MARCHF5: variants seen among roughly 807,000 people sequenced by gnomAD.
The protein encoded by MARCHF5 is membrane associated ring-CH-type finger 5.
In MARCHF5, 5 loss-of-function variants were observed where a neutral mutation model predicts 36.5. The ratio of observed to expected loss-of-function variants is 0.14; its 90% CI spans 0.07 to 0.29. The LOEUF (loss-of-function observed/expected upper bound fraction) is 0.29. MARCHF5 is among the 10% of genes least tolerant of loss of function. MARCHF5 has a pLI of 1.00. For synonymous variants in MARCHF5, 103 were observed against 109.9 expected (o/e 0.94, Z 0.39); for missense variants, 179 against 336.3 (o/e 0.53, Z 3.66).
rs1220168156 is a variant in MARCHF5 at position 92,353,250 on chromosome 10, C to G, written c.*2043C>G. On this transcript the variant is annotated 3_prime_UTR_variant, in exon 6 of 6. Transcript: ENST00000358935. ...TTATTATTATTAGCTCGAGAAATAC[C>G]ACATGCCAGTCTTCCCAGGAAGGTG... The G allele has an allele frequency of 6.6e-6, 1 of 152,072 alleles. No individual in the cohort carries two copies. Among genetic ancestry groups the G allele is most frequent in the Non-Finnish European group, 1.5e-5 (1 of 68,026 alleles). 9.4% of individuals were successfully genotyped at this position (152,072 alleles called of 1,614,324 possible).
chr10:92,306,394 A>G (rs1326146200), intron 1 of MARCHF5, among the ~76,000 whole-genome samples: 1 of 152,190 alleles, frequency 6.6e-6, no homozygotes, highest in Non-Finnish European at 1.5e-5. Context: ...TATGGTATTC[A>G]CTGCCTAAAC....
intron 1 of MARCHF5, among the ~76,000 whole-genome samples, chr10:92,310,751 G>A (rs1202211212): frequency 6.6e-6 from 1 of 152,068 alleles, no homozygotes; most frequent in African/African-American, 2.4e-5. Flanking sequence ...TGGTGAACTG[G>A]GGAGAACACT....
At chr10:92,298,638 T>C (rs1842975395) in intron 1 of MARCHF5, among the ~76,000 whole-genome samples, 1 of 152,150 alleles carries the variant, frequency 6.6e-6, no homozygotes, top group African/African-American at 2.4e-5. Context: ...GTGGCCCATC[T>C]CGGCTTACTG....
chr10:92,327,347 C>T, intron 2 of MARCHF5, among the ~76,000 whole-genome samples: 1 of 145,396 alleles, frequency 6.9e-6, no homozygotes, highest in African/African-American at 2.6e-5. Flanking sequence ...GGATAAAGAG[C>T]TTTTTAAAAA....
At position 92,314,187 on chromosome 10, in the gene MARCHF5, G is replaced by A. The variant is rs1296768077; in HGVS notation, c.238+2850G>A. Among the ~76,000 whole-genome samples the A allele has an allele frequency of 5.5e-5, 8 of 144,244 alleles. No homozygotes were observed. In the East Asian group the frequency reaches 1.6e-3, roughly 29 times the overall value. The allele number at this position is 144,244 out of a possible 152,430, so 94.6% of individuals were successfully genotyped here. On this transcript the variant is annotated intron_variant, in intron 2 of 5. Transcript: ENST00000358935. ...TGATTGCGCCACTACCCTCTAGCCTGGGTGACAGAGTGAAACCAATCTTAA... is the reference window on the plus strand; with the variant it reads ...TGATTGCGCCACTACCCTCTAGCCTAGGTGACAGAGTGAAACCAATCTTAA...
chr10:92,343,213 C>A (rs140981332), intron 3 of MARCHF5, among the ~76,000 whole-genome samples: 2,191 of 152,228 alleles, frequency 0.014, 55 homozygotes, highest in African/African-American at 0.049. Context: ...CGTCACCTTC[C>A]CAACCTAATA....
At chr10:92,348,197 A>AG (rs1843679016) in intron 3 of MARCHF5, among the ~76,000 whole-genome samples, 1 of 149,838 alleles carries the variant, frequency 6.7e-6, no homozygotes, top group Admixed American at 6.7e-5. Flanking sequence ...AAAAAAAAAA[A>AG]AAAATTTTTG....
intron 2 of MARCHF5, among the ~76,000 whole-genome samples, chr10:92,336,336 C>T (rs1190543201): frequency 1.3e-5 from 2 of 152,170 alleles, no homozygotes; most frequent in African/African-American, 4.8e-5. Flanking sequence ...CATGCCCGGC[C>T]TGGAGCTTAT....
chr10:92,319,382 G>A (rs1416129606), intron 2 of MARCHF5, among the ~76,000 whole-genome samples: 3 of 148,674 alleles, frequency 2.0e-5, no homozygotes, highest in Non-Finnish European at 4.4e-5. Flanking sequence ...TGCAAGCTCC[G>A]CCTCCCGGGT....
intron 2 of MARCHF5, among the ~76,000 whole-genome samples, chr10:92,321,368 CAT>C (rs1203638781): frequency 6.6e-6 from 1 of 152,088 alleles, no homozygotes; most frequent in Non-Finnish European, 1.5e-5. Context: ...TATTGATAAT[CAT>C]GTGAGTATTG....
intron 1 of MARCHF5, among the ~76,000 whole-genome samples, chr10:92,306,987 CT>C (rs1040140459): frequency 2.0e-4 from 30 of 152,168 alleles, no homozygotes; most frequent in South Asian, 6.2e-4. Context: ...GCACTCCAGC[CT>C]AGGTGGCAGA....
intron 1 of MARCHF5, among the ~76,000 whole-genome samples, chr10:92,297,184 T>A (rs1177370292): frequency 1.3e-5 from 2 of 149,872 alleles, no homozygotes; most frequent in African/African-American, 2.5e-5. Context: ...TTTTTTTTTT[T>A]GAGTCAGGGT....
At chr10:92,347,372 C>T (rs1843657093) in intron 3 of MARCHF5, among the ~76,000 whole-genome samples, 1 of 152,050 alleles carries the variant, frequency 6.6e-6, no homozygotes, top group Non-Finnish European at 1.5e-5. Context: ...GTAATCCCAT[C>T]TACTCAGGAG....
chr10:92,307,625 C>G (rs990895673), intron 1 of MARCHF5, among the ~76,000 whole-genome samples: 2 of 151,960 alleles, frequency 1.3e-5, no homozygotes, highest in African/African-American at 4.8e-5. Context: ...CCTGTAATCC[C>G]AGCATTTGGG....
At chr10:92,314,824 A>C (rs1288244971) in intron 2 of MARCHF5, among the ~76,000 whole-genome samples, 1 of 141,932 alleles carries the variant, frequency 7.0e-6, no homozygotes, top group Non-Finnish European at 1.5e-5. Flanking sequence ...CAAGCAATCC[A>C]CCTACCTTGG....
chr10:92,305,421 A>G (rs1044841565), intron 1 of MARCHF5, among the ~76,000 whole-genome samples: 1 of 152,204 alleles, frequency 6.6e-6, no homozygotes, highest in Non-Finnish European at 1.5e-5. Flanking sequence ...AAAAAAAAGA[A>G]TATTTACAAA....
At position 92,338,200 on chromosome 10, in the gene MARCHF5, C is replaced by T. The variant is rs1026822752; in HGVS notation, c.239-2473C>T. Among the ~76,000 whole-genome samples the T allele has an allele frequency of 4.0e-5, 6 of 151,654 alleles. No homozygotes were observed. The South Asian group carries it at 1.3e-3, about 32-fold the overall frequency. On this transcript the variant is annotated intron_variant, in intron 2 of 5. Transcript: ENST00000358935. ...CAAGACCCTGTCTCAAAAAAAAAAT[C>T]GAATTATCAACCATACGAAGGTTGA...
At chr10:92,339,861 AGAGT>A (rs769479010) in intron 2 of MARCHF5, among the ~76,000 whole-genome samples, 2 of 152,206 alleles carry the variant, frequency 1.3e-5, no homozygotes, top group Non-Finnish European at 2.9e-5. Context: ...GTCAGATTTC[AGAGT>A]AAGCATATAA....
At chr10:92,297,342 A>AT (rs931055671) in intron 1 of MARCHF5, among the ~76,000 whole-genome samples, 3 of 150,360 alleles carry the variant, frequency 2.0e-5, no homozygotes, top group Admixed American at 6.7e-5. Context: ...GATTTTTTGT[A>AT]TTTTTTTTGT....
Sources: gnomAD v4.1 joint callset for allele counts (sites outside exome capture counted in the v4.1 genomes callset) on GRCh38, gnomAD v4.1.1 for gene constraint, MANE v1.5 for transcripts, NCBI Gene and HGNC (gene_info 2026-07-23, HGNC 2026-07-21) for gene names.